Variants in FBXL17 observed in about 807,000 individuals in gnomAD.
FBXL17 encodes the protein F-box/LRR-repeat protein 17.
FBXL17 carries 22 observed loss-of-function variants against 66.2 expected under a neutral mutation model. The ratio of observed to expected loss-of-function variants is 0.33; its 90% CI spans 0.24 to 0.47. The LOEUF (loss-of-function observed/expected upper bound fraction) is 0.47. Ranked by LOEUF, FBXL17 falls within the 20% of genes least tolerant of loss-of-function variation. The pLI is 1.00. For synonymous variants in FBXL17, 474 were observed against 400.5 expected (o/e 1.18, Z -2.19); for missense variants, 878 against 948.2 (o/e 0.93, Z 0.97).
At chr5:108,369,837 T>C (rs1454645892) in intron 1 of FBXL17, among the ~76,000 whole-genome samples, 1 of 152,100 alleles carries the variant, frequency 6.6e-6, no homozygotes, top group Non-Finnish European at 1.5e-5. Flanking sequence ...ATAAAAGATA[T>C]TAATTTAAAG....
intron 4 of FBXL17, among the ~76,000 whole-genome samples, chr5:108,269,504 G>GA (rs1196720512): frequency 2.0e-5 from 3 of 151,944 alleles, no homozygotes; most frequent in African/African-American, 7.2e-5. Context: ...GGATACAGAT[G>GA]AAAAAATCTG....
intron 7 of FBXL17, among the ~76,000 whole-genome samples, chr5:107,917,115 T>C (rs186660351): frequency 6.6e-6 from 1 of 152,176 alleles, no homozygotes; most frequent in Admixed American, 6.5e-5. Context: ...CAAATATTAA[T>C]AGATTACTAC....
At chr5:108,306,213 G>A (rs1758832856) in intron 4 of FBXL17, among the ~76,000 whole-genome samples, 1 of 151,898 alleles carries the variant, frequency 6.6e-6, no homozygotes, top group African/African-American at 2.4e-5. Context: ...TTAGATATAT[G>A]GGGGAAAATA....
At chr5:108,179,782 T>C (rs1017736716) in intron 6 of FBXL17, among the ~76,000 whole-genome samples, 2 of 152,218 alleles carry the variant, frequency 1.3e-5, no homozygotes, top group African/African-American at 2.4e-5. Context: ...GTGCCTGAAA[T>C]AGTAAATAAC....
intron 6 of FBXL17, among the ~76,000 whole-genome samples, chr5:108,130,487 T>A (rs1048050381): frequency 6.6e-6 from 1 of 152,026 alleles, no homozygotes; most frequent in African/African-American, 2.4e-5. Flanking sequence ...TACAATTCAG[T>A]TTAAATGAAT....
In FBXL17 at chr5:108,381,931, C is replaced by T. The variant is rs1343812406; in HGVS notation, c.-240G>A. Reference sequence around the variant, plus strand: ...AGGGAAGCCGGGAGAACGATGGGCGCGAGCTTTGGGGACGCGAGGGAGGGA... The same window carrying T: ...AGGGAAGCCGGGAGAACGATGGGCGTGAGCTTTGGGGACGCGAGGGAGGGA... On this transcript the variant is annotated 5_prime_UTR_variant, in exon 1 of 9. Transcript: ENST00000542267. 1 of 1,250,572 alleles carries T rather than the reference C, an allele frequency of 8.0e-7. No individual in the cohort carries two copies. Among genetic ancestry groups the T allele is most frequent in the South Asian group, 3.0e-5 (1 of 33,152 alleles). The allele number at this position is 1,250,572 out of a possible 1,614,324, so 77.5% of individuals were successfully genotyped here.
chr5:108,100,041 A>G (rs530414137), intron 6 of FBXL17, among the ~76,000 whole-genome samples: 262 of 152,314 alleles, frequency 1.7e-3, no homozygotes, highest in African/African-American at 6.1e-3. Context: ...AAATTAAACT[A>G]TCCCAATTAT....
chr5:108,193,808 G>A (rs976793005), intron 5 of FBXL17, among the ~76,000 whole-genome samples: 1 of 151,962 alleles, frequency 6.6e-6, no homozygotes, highest in African/African-American at 2.4e-5. Context: ...CCTTCTCTAT[G>A]TATTCTCTTT....
At chr5:108,130,455 G>C (rs1750887157) in intron 6 of FBXL17, among the ~76,000 whole-genome samples, 1 of 151,920 alleles carries the variant, frequency 6.6e-6, no homozygotes, top group Non-Finnish European at 1.5e-5. Context: ...CTTTGAATAA[G>C]ATGTCAGGGG....
At chr5:108,114,046 C>T (rs1034197957) in intron 6 of FBXL17, among the ~76,000 whole-genome samples, 1 of 152,114 alleles carries the variant, frequency 6.6e-6, no homozygotes, top group African/African-American at 2.4e-5. Context: ...ATGTCTCTTT[C>T]AGTTATACAA....
At position 108,037,524 on chromosome 5, in the gene FBXL17, A is replaced by G. The variant is rs186780471; in HGVS notation, c.1746-16523T>C. On this transcript the variant is annotated intron_variant, in intron 6 of 8. Transcript: ENST00000542267. ...CTTACAGAATTAAGACAACATGTTT[A>G]CTTGAGGTACCTGGAACATACCTAA... Among the ~76,000 whole-genome samples, 460 of 152,312 alleles carry G rather than the reference A, an allele frequency of 3.0e-3. 2 individuals are homozygous for G. Among genetic ancestry groups the G allele is most frequent in the African/African-American group, 0.01 (430 of 41,566 alleles).
At chr5:108,299,167 T>C (rs1411856715) in intron 4 of FBXL17, 1 of 983,526 alleles carries the variant, frequency 1.0e-6, no homozygotes, top group Non-Finnish European at 1.2e-6. Context: ...ATCAAGTTTG[T>C]TTTTCTTTTA....
In FBXL17 at chr5:108,365,002, G is replaced by A; in HGVS notation, c.1117-7C>T. The A allele has an allele frequency of 1.3e-6, 2 of 1,577,962 alleles. No individual in the cohort carries two copies. Among genetic ancestry groups the A allele is most frequent in the Non-Finnish European group, 1.7e-6 (2 of 1,162,500 alleles). On this transcript the variant is annotated splice_polypyrimidine_tract_variant and splice_region_variant and intron_variant, in intron 2 of 8. Transcript: ENST00000542267. ...CCAACAATTCATCAGTGACCTGTAA[G>A]AGAAAAAGCAATAAATTTAAACTTT... is the stretch of plus-strand genomic sequence containing the variant.
intron 3 of FBXL17, among the ~76,000 whole-genome samples, chr5:108,353,287 T>C (rs1185388464): frequency 6.6e-6 from 1 of 152,014 alleles, no homozygotes; most frequent in African/African-American, 2.4e-5. Flanking sequence ...GAAGCACAAC[T>C]CACCAGAAGA....
At chr5:108,183,318 C>T (rs761533502) in intron 6 of FBXL17, among the ~76,000 whole-genome samples, 5 of 152,018 alleles carry the variant, frequency 3.3e-5, no homozygotes, top group African/African-American at 2.4e-5. Context: ...GGCTTACAGG[C>T]GTGAGCCACC....
chr5:108,122,699 G>A (rs2149966485), intron 6 of FBXL17, among the ~76,000 whole-genome samples: 1 of 152,216 alleles, frequency 6.6e-6, no homozygotes, highest in South Asian at 2.1e-4. Flanking sequence ...AAGTCAGGGA[G>A]GCAAATGCAA....
chr5:108,180,706 A>T (rs146671153), intron 6 of FBXL17, among the ~76,000 whole-genome samples: 1 of 152,264 alleles, frequency 6.6e-6, no homozygotes, highest in African/African-American at 2.4e-5. Context: ...TCACACAGCA[A>T]ATCATGGCAA....
intron 7 of FBXL17, among the ~76,000 whole-genome samples, chr5:107,964,407 T>C (rs541993936): frequency 7.4e-6 from 1 of 134,510 alleles, no homozygotes; most frequent in African/African-American, 2.7e-5. Flanking sequence ...AAATTACTGA[T>C]TATCTGTTCC....
chr5:108,117,524 T>A (rs1350776555), intron 6 of FBXL17, among the ~76,000 whole-genome samples: 1 of 152,170 alleles, frequency 6.6e-6, no homozygotes, highest in African/African-American at 2.4e-5. Flanking sequence ...TTAAAATTTT[T>A]AAAAATGTTA....
Sources: allele counts gnomAD v4.1 joint callset (sites outside exome capture counted in the v4.1 genomes callset), GRCh38; gene constraint gnomAD v4.1.1; transcripts MANE v1.5; gene names NCBI Gene and HGNC (gene_info 2026-07-23, HGNC 2026-07-21).